TACC3: variants seen among roughly 807,000 people sequenced by gnomAD.
The protein encoded by TACC3 is transforming acidic coiled-coil containing protein 3, also known as transforming acidic coiled-coil-containing protein 3.
In TACC3, 52 loss-of-function variants were observed where a neutral mutation model predicts 86.0. That is an observed-to-expected ratio of 0.60 (90% confidence interval 0.48 to 0.76). The LOEUF (loss-of-function observed/expected upper bound fraction) is 0.76, where lower values mean the gene tolerates loss of function less well. Among genes scored for constraint, TACC3 ranks in the 30% least tolerant of loss-of-function variants. TACC3 has a pLI of 0.00. For synonymous variants in TACC3, 512 were observed against 430.0 expected (o/e 1.19, Z -2.36); for missense variants, 1,120 against 1,070.4 (o/e 1.05, Z -0.65).
chr4:1,727,469 G>A (rs1472489246), intron 3 of TACC3, among the ~76,000 whole-genome samples: 1 of 152,224 alleles, frequency 6.6e-6, no homozygotes, highest in South Asian at 2.1e-4. Flanking sequence ...TGAGGGCGGG[G>A]TCAGCGAGGA....
intron 1 of TACC3, chr4:1,723,152 C>A (rs1717500898): frequency 2.0e-6 from 1 of 487,980 alleles, no homozygotes; most frequent in Non-Finnish European, 3.7e-6. Context: ...CCATCTCAGC[C>A]TGAAGGCCCT....
At chr4:1,720,955 AC>A (rs1166882811), upstream of TACC3, 8 of 689,620 alleles carry the variant, frequency 1.2e-5, no homozygotes, top group Non-Finnish European at 1.6e-5. This position sits in a 1 kb window ranked among gnomAD's most constrained non-coding sequence, Gnocchi z 4.4. Context: ...CCCGCGGGGC[AC>A]TCTAGGACAT....
rs953742250 is a variant in TACC3 at position 1,739,542 on chromosome 4, C to T, written c.1942-160C>T. ...CACGTGGAGCAGGTGGCCTTGGCCT[C>T]GACAGGGTTCCCAGGGTCCCACTGG... On this transcript the variant is annotated intron_variant, in intron 10 of 15. Transcript: ENST00000313288. The T allele has an allele frequency of 2.1e-5, 14 of 674,126 alleles. No homozygotes were observed. The Admixed American group carries it at 2.5e-4, about 12-fold the overall frequency. 41.8% of individuals were successfully genotyped at this position (674,126 alleles called of 1,614,324 possible).
Position 1,728,084 on chromosome 4 carries a change from A to T in TACC3, c.682A>T (p.Thr228Ser). 2.5e-6 allele frequency: 4 copies of T among 1,592,122 alleles called. 1 individual carries two copies. The highest frequency in any genetic ancestry group is 8.5e-7 in the Non-Finnish European group (1 of 1,171,542). Residue 228 changes from threonine to serine, a missense_variant, in exon 4 of 16, where the codon ACT becomes TCT. By Grantham distance (58) the Thr-to-Ser change is moderately conservative. Transcript: ENST00000313288. ...AGCCGAGGAAGAATGCAAAGCGGAG[A>T]CTCCGCACGGAGCCGAGGAGGAATG... The part of the protein sequence containing the change: ...HGAEEECKAE[T>S]PHGAEEECRH...
chr4:1,732,168 TTAAA>T (rs1368920718), intron 6 of TACC3, among the ~76,000 whole-genome samples: 3 of 151,626 alleles, frequency 2.0e-5, no homozygotes, highest in Non-Finnish European at 4.4e-5. Context: ...GAGGCTGCAG[TTAAA>T]TAAATACGGC....
intron 8 of TACC3, among the ~76,000 whole-genome samples, chr4:1,736,295 C>T (rs116098923): frequency 8.1e-4 from 123 of 152,014 alleles, no homozygotes; most frequent in African/African-American, 2.7e-3. Context: ...TGACGGCATG[C>T]ACCTGTAGTC....
intron 8 of TACC3, among the ~76,000 whole-genome samples, chr4:1,736,190 G>A (rs555210073): frequency 3.2e-4 from 49 of 152,296 alleles, no homozygotes; most frequent in African/African-American, 1.0e-3. Context: ...TTGGGAGGCC[G>A]AGGTGGATGG....
In TACC3 at chr4:1,740,061, C is replaced by T. The variant is rs1577224231; in HGVS notation, c.2062+59C>T. The T allele has an allele frequency of 5.1e-6, 8 of 1,570,252 alleles. No individual in the cohort carries two copies. In the East Asian group the frequency reaches 1.8e-4, roughly 35 times the overall value. On this transcript the variant is annotated intron_variant, in intron 12 of 15. Coordinates refer to ENST00000313288, the MANE Select transcript of TACC3 (RefSeq NM_006342.3). ...CACGAGGGGCTGCCTATGCCCCACC[C>T]TGGCCCTGCCCTGCACCCTGCCTAG...
At chr4:1,728,828 C>A in intron 4 of TACC3, 41 bp downstream of exon 4, 1 of 1,552,760 alleles carries the variant, frequency 6.4e-7, no homozygotes. Flanking sequence ...CGTGGGGCAG[C>A]TGCCCTGCAG....
chr4:1,720,698 G>A (rs750229161), upstream of TACC3: 2 of 1,554,712 alleles, frequency 1.3e-6, no homozygotes, highest in African/African-American at 1.4e-5. This position sits in a 1 kb window ranked among gnomAD's most constrained non-coding sequence, Gnocchi z 4.4. Context: ...GGGCACGAAG[G>A]CGGCGTCCTC....
rs1718562741 is a variant in TACC3 at position 1,740,873 on chromosome 4, G to C, written c.2110G>C (p.Val704Leu). The change falls in exon 13 of 16, where the codon GTT becomes CTT. Residue 704 changes from valine to leucine, a missense_variant. Val to Leu is a conservative substitution (Grantham distance 32). Coordinates refer to ENST00000313288, the MANE Select transcript of TACC3 (RefSeq NM_006342.3). ...KELSKAEIQKVLKEKDQLTTD... is the reference protein window; with the variant it reads ...KELSKAEIQKLLKEKDQLTTD... ...ACTTTCCAAAGCTGAAATCCAGAAA[G>C]TTCTAAAAGAAAAAGACCAACTTAC... is the stretch of plus-strand genomic sequence containing the variant. The C allele has an allele frequency of 6.2e-7, 1 of 1,612,834 alleles. No homozygotes were observed. Among genetic ancestry groups the C allele is most frequent in the African/African-American group, 1.3e-5 (1 of 74,868 alleles).
rs1394848602 is a variant in TACC3 at position 1,739,786 on chromosome 4, G to GGC, written c.2018+9_2018+10dup. The GGC allele has an allele frequency of 3.8e-6, 6 of 1,582,248 alleles. No homozygotes were observed. The highest frequency in any genetic ancestry group is 5.1e-6 in the Non-Finnish European group (6 of 1,165,374). Reference sequence around the variant, plus strand: ...GAAGAACCTGGAACTGGGGTAAGGAGGCCCCGTCTCCTGTCCTCCCCGTCC... The same window carrying GGC: ...GAAGAACCTGGAACTGGGGTAAGGAGGCGCCCCGTCTCCTGTCCTCCCCGTCC... On this transcript the variant is annotated intron_variant, in intron 11 of 15. Coordinates refer to ENST00000313288, the MANE Select transcript of TACC3 (RefSeq NM_006342.3).
At position 1,728,604 on chromosome 4, in the gene TACC3, G is replaced by A. The variant is rs753198098; in HGVS notation, c.1202G>A (p.Gly401Asp). ...GEDPPMPASR[G>D]SYHLDWDKMD... ...GACCCCCCCATGCCAGCTTCTCGGG[G>A]CTCTTACCACCTCGACTGGGACAAA... The change falls in exon 4 of 16, where the codon GGC becomes GAC. Residue 401 changes from glycine (G) to aspartate (D), a missense_variant. Gly to Asp is a moderately conservative substitution (Grantham distance 94). Coordinates refer to ENST00000313288, the MANE Select transcript of TACC3 (RefSeq NM_006342.3). 1.2e-6 allele frequency: 2 copies of A among 1,613,948 alleles called. No individual in the cohort carries two copies. The highest frequency in any genetic ancestry group is 2.2e-5 in the South Asian group (2 of 91,086).
chr4:1,741,037 G>A, intron 13 of TACC3, 51 bp downstream of exon 13: 1 of 1,537,400 alleles, frequency 6.5e-7, no homozygotes, highest in Non-Finnish European at 8.8e-7. Context: ...ATGGACTCAT[G>A]GTCCAAGCCA....
chr4:1,744,348 G>A (rs1718738427), intron 13 of TACC3, 170 bp from the exon 14 acceptor site: 3 of 627,346 alleles, frequency 4.8e-6, no homozygotes, highest in Non-Finnish European at 8.4e-6. Flanking sequence ...TCCAGAGGGG[G>A]TGAGCTGGGA....
Position 1,735,750 on chromosome 4 carries a change from G to A in TACC3, c.1664G>A (p.Arg555Lys), listed in dbSNP as rs758426731. 5.6e-6 allele frequency: 9 copies of A among 1,613,210 alleles called. No homozygotes were observed. The East Asian group carries it at 1.6e-4, about 28-fold the overall frequency. ...GTSSFKESAL[R>K]KQSLYLKFDP... ...CCCCAGTTTAAGGAGTCGGCCTTGA[G>A]GAAGCAGTCCTTATACCTCAAGTTC... The change falls in exon 8 of 16, where the codon AGG becomes AAG. Residue 555 changes from arginine (R) to lysine (K), a missense_variant. Physicochemically the swap from Arg to Lys is conservative, Grantham distance 26. Coordinates refer to ENST00000313288, the MANE Select transcript of TACC3 (RefSeq NM_006342.3). This position sits in a 1 kb window ranked among gnomAD's most constrained non-coding sequence, Gnocchi z 4.2.
intron 8 of TACC3, 48 bp from the exon 9 acceptor site, chr4:1,737,193 C>T: frequency 1.3e-6 from 2 of 1,497,780 alleles, no homozygotes; most frequent in South Asian, 2.3e-5. Flanking sequence ...GTGTCCTACT[C>T]AACACTGGGA....
At position 1,728,048 on chromosome 4, in the gene TACC3, A is replaced by T. The variant is rs765827885; in HGVS notation, c.646A>T (p.Thr216Ser). Residue 216 changes from threonine to serine, a missense_variant, in exon 4 of 16, where the codon ACT becomes TCT. Coordinates refer to ENST00000313288, the MANE Select transcript of TACC3 (RefSeq NM_006342.3). ...CRTESQHKAE[T>S]PHGAEEECKA... The stretch of plus-strand genomic sequence containing the variant: ...GACAGAGTCCCAGCACAAAGCGGAG[A>T]CTCCGCACGGAGCCGAGGAAGAATG... 3.2e-6 allele frequency: 5 copies of T among 1,542,418 alleles called. No individual in the cohort carries two copies. Among genetic ancestry groups the T allele is most frequent in the Non-Finnish European group, 4.4e-6 (5 of 1,141,564 alleles).
intron 10 of TACC3, among the ~76,000 whole-genome samples, chr4:1,739,013 C>T (rs1718426678): frequency 6.6e-6 from 1 of 152,114 alleles, no homozygotes; most frequent in African/African-American, 2.4e-5. Flanking sequence ...AATGGAGAAT[C>T]AAAGAAGAGA....
Sources: gnomAD v4.1 joint callset for allele counts (sites outside exome capture counted in the v4.1 genomes callset) on GRCh38, gnomAD v4.1.1 for gene constraint, Gnocchi (gnomAD v3.1) non-coding constraint, MANE v1.5 for transcripts, NCBI Gene and HGNC (gene_info 2026-07-23, HGNC 2026-07-21) for gene names.